GAB2: variants seen among roughly 807,000 people sequenced by gnomAD.
GAB2 encodes the protein GRB2 associated binding protein 2, also known as GRB2-associated-binding protein 2.
In GAB2, 26 loss-of-function variants were observed where a neutral mutation model predicts 65.5. The ratio of observed to expected loss-of-function variants is 0.40; its 90% CI spans 0.29 to 0.55. GAB2 has a LOEUF of 0.55. Among genes scored for constraint, GAB2 ranks in the 20% least tolerant of loss-of-function variants. The pLI is 0.53. For synonymous variants in GAB2, 321 were observed against 329.6 expected, an observed-to-expected ratio of 0.97 and a Z score of 0.28; for missense variants, 884 against 875.8, an observed-to-expected ratio of 1.01 and a Z score of -0.12.
chr11:78,275,567 G>C (rs1042784402), intron 2 of GAB2, among the ~76,000 whole-genome samples: 2 of 152,088 alleles, frequency 1.3e-5, no homozygotes, highest in African/African-American at 4.8e-5. Context: ...TAACATACCA[G>C]ATTCTCCTCT....
intron 2 of GAB2, among the ~76,000 whole-genome samples, chr11:78,273,001 A>G (rs146178671): frequency 8.5e-5 from 13 of 152,370 alleles, no homozygotes; most frequent in Non-Finnish European, 1.6e-4. Context: ...GCAGGTGCAC[A>G]GAAGTCAGGA....
rs576754605 is a variant in GAB2, at chr11:78,215,944, T to G, written c.*3328A>C. ...GAGCTGAGCCCATGCTCCAGTAACTTCAGAATGGTTGTGCTTTTGTCACAG... is the reference window on the plus strand; with the variant it reads ...GAGCTGAGCCCATGCTCCAGTAACTGCAGAATGGTTGTGCTTTTGTCACAG... On this transcript the variant is annotated 3_prime_UTR_variant, in exon 10 of 10. Transcript: ENST00000361507. The G allele has an allele frequency of 6.6e-6, 1 of 152,666 alleles. No homozygotes were observed. Among genetic ancestry groups the G allele is most frequent in the Admixed American group, 6.5e-5 (1 of 15,284 alleles). The allele number at this position is 152,666 out of a possible 1,614,324, so 9.5% of individuals were successfully genotyped here.
intron 1 of GAB2, among the ~76,000 whole-genome samples, chr11:78,365,611 G>T (rs1406311845): frequency 6.6e-6 from 1 of 152,182 alleles, no homozygotes; most frequent in Admixed American, 6.5e-5. Context: ...CACTGATTGG[G>T]ATTGATTGTT....
chr11:78,269,368 G>A (rs1288980132), intron 2 of GAB2, among the ~76,000 whole-genome samples: 1 of 152,238 alleles, frequency 6.6e-6, no homozygotes. Flanking sequence ...GGGATGAGAA[G>A]ACAGAAAGAG....
In GAB2 at chr11:78,300,704, T is replaced by TG. The variant is rs1554985616; in HGVS notation, c.76-19804_76-19803insC. 8.8e-4 allele frequency among the ~76,000 whole-genome samples: 126 copies of TG among 143,146 alleles called. 1 individual carries two copies. Among genetic ancestry groups the TG allele is most frequent in the African/African-American group, 3.3e-3 (122 of 36,918 alleles). 93.9% of individuals were successfully genotyped at this position (143,146 alleles called of 152,430 possible). A position where few individuals can be genotyped will look rare whatever the true frequency, so the allele number is the denominator to read the frequency against. On this transcript the variant is annotated intron_variant, in intron 1 of 9. Transcript: ENST00000361507. ...TTTTTGGTTTTTTTTTGTTTTTTTT[T>TG]TTTTTTTTGAGACAGAGCCTCACTC...
At chr11:78,402,794 T>A (rs757482963) in intron 1 of GAB2, among the ~76,000 whole-genome samples, 5 of 151,984 alleles carry the variant, frequency 3.3e-5, no homozygotes, top group African/African-American at 4.8e-5. Flanking sequence ...ATTTAAAGAA[T>A]CATCTTATTA....
intron 2 of GAB2, among the ~76,000 whole-genome samples, chr11:78,277,769 T>A (rs1359619550): frequency 1.3e-5 from 2 of 152,186 alleles, no homozygotes. Flanking sequence ...AGCATGCCAA[T>A]ATATAAAACT....
At chr11:78,275,049 T>C (rs974415773) in intron 2 of GAB2, among the ~76,000 whole-genome samples, 1 of 152,214 alleles carries the variant, frequency 6.6e-6, no homozygotes, top group Admixed American at 6.5e-5. Flanking sequence ...GCTCAATACA[T>C]AGCTGCGATT....
chr11:78,316,440 C>T (rs1855608030), intron 1 of GAB2, among the ~76,000 whole-genome samples: 1 of 152,044 alleles, frequency 6.6e-6, no homozygotes, highest in Non-Finnish European at 1.5e-5. Flanking sequence ...TAAAGAACTA[C>T]AATAACAACA....
At chr11:78,327,896 G>A (rs1855851666) in intron 1 of GAB2, among the ~76,000 whole-genome samples, 2 of 152,148 alleles carry the variant, frequency 1.3e-5, no homozygotes, top group Admixed American at 6.5e-5. Flanking sequence ...AGAAGTGGAT[G>A]TTAAAGACCT....
In GAB2 at chr11:78,385,657, G is replaced by GA. The variant is rs370407855; in HGVS notation, c.75+31988dup. ...CCTTATACTTGTAGCATATGCAGGA[G>GA]AAACTTTAGTAGGCAGTTGAGCCTT... On this transcript the variant is annotated intron_variant, in intron 1 of 9. Coordinates refer to ENST00000361507, the MANE Select transcript of GAB2 (RefSeq NM_080491.3). 2.1e-3 allele frequency among the ~76,000 whole-genome samples: 316 copies of GA among 152,318 alleles called. 1 individual carries two copies. Among genetic ancestry groups the GA allele is most frequent in the African/African-American group, 6.7e-3 (279 of 41,574 alleles).
chr11:78,278,272 G>A (rs1436374412), intron 2 of GAB2, among the ~76,000 whole-genome samples: 1 of 152,000 alleles, frequency 6.6e-6, no homozygotes, highest in Non-Finnish European at 1.5e-5. Flanking sequence ...GTTTCGCCAT[G>A]TTGGCCAGGC....
Position 78,217,324 on chromosome 11 carries a change from A to T in GAB2, c.*1948T>A, listed in dbSNP as rs1864197608. 1 of 152,182 alleles carries T rather than the reference A, an allele frequency of 6.6e-6. No individual in the cohort carries two copies. The highest frequency in any genetic ancestry group is 2.1e-4 in the South Asian group (1 of 4,818). 9.4% of individuals were successfully genotyped at this position (152,182 alleles called of 1,614,324 possible). A position where few individuals can be genotyped will look rare whatever the true frequency, so the allele number is the denominator to read the frequency against. On this transcript the variant is annotated 3_prime_UTR_variant, in exon 10 of 10. Coordinates refer to ENST00000361507, the MANE Select transcript of GAB2 (RefSeq NM_080491.3). ...GTGTCCTTAGTGCTTAACCCCAGAA[A>T]CTGGAGACAGCAGCCATTAATAAAT...
chr11:78,253,700 C>A (rs1356053873), intron 2 of GAB2, among the ~76,000 whole-genome samples: 1 of 152,178 alleles, frequency 6.6e-6, no homozygotes, highest in East Asian at 1.9e-4. Context: ...TTTCTCTCAT[C>A]ACTTTGTACA....
chr11:78,227,273 T>G (rs1419045702), intron 3 of GAB2, among the ~76,000 whole-genome samples: 2 of 152,218 alleles, frequency 1.3e-5, no homozygotes, highest in African/African-American at 2.4e-5. Flanking sequence ...GCAGGGGTTA[T>G]AACCCCCACT....
intron 3 of GAB2, among the ~76,000 whole-genome samples, chr11:78,232,615 A>G (rs535230647): frequency 1.3e-5 from 2 of 152,250 alleles, no homozygotes; most frequent in Non-Finnish European, 2.9e-5. Flanking sequence ...GCAAGAATAC[A>G]TATTATCTAG....
At chr11:78,346,694 TATATATATATATATATATATATATATA>T (rs1359573579) in intron 1 of GAB2, among the ~76,000 whole-genome samples, 9 of 91,042 alleles carry the variant, frequency 9.9e-5, no homozygotes, top group South Asian at 3.7e-4. Flanking sequence ...TATATATATA[TATATATATATATATATATATATATATA>T]ATTTTTTTTT....
At chr11:78,233,040 G>GTTTTTTTTTTTTTTTTTT (rs372693456) in intron 3 of GAB2, among the ~76,000 whole-genome samples, 14 of 131,980 alleles carry the variant, frequency 1.1e-4, no homozygotes, top group African/African-American at 3.6e-4. Flanking sequence ...GCACTGTTAA[G>GTTTTTTTTTTTTTTTTTT]TTTTTTTTTT....
intron 3 of GAB2, among the ~76,000 whole-genome samples, chr11:78,240,318 C>T (rs190315852): frequency 2.0e-5 from 3 of 152,164 alleles, no homozygotes; most frequent in African/African-American, 7.2e-5. Context: ...CACACTGTCC[C>T]CTGGGGAATG....
Sources: gnomAD v4.1 joint callset for allele counts (sites outside exome capture counted in the v4.1 genomes callset) on GRCh38, gnomAD v4.1.1 for gene constraint, MANE v1.5 for transcripts, NCBI Gene and HGNC (gene_info 2026-07-23, HGNC 2026-07-21) for gene names.